CHST8: variants seen among roughly 807,000 people sequenced by gnomAD.
The protein encoded by CHST8 is GALNAC-4-ST1.
In CHST8, 10 loss-of-function variants were observed where a neutral mutation model predicts 15.0. The ratio of observed to expected loss-of-function variants is 0.67; its 90% CI spans 0.41 to 1.13. CHST8 has a LOEUF of 1.13. CHST8 is among the 50% of genes most tolerant of loss of function. The pLI, the probability that CHST8 is intolerant of heterozygous loss-of-function variation, is 0.00. For missense variants in CHST8, 634 were observed against 608.2 expected (o/e 1.04, Z -0.45); for synonymous variants, 259 against 256.6 (o/e 1.01, Z -0.09).
intron 3 of CHST8, among the ~76,000 whole-genome samples, chr19:33,740,964 A>C (rs1229603144): frequency 6.6e-6 from 1 of 152,208 alleles, no homozygotes; most frequent in African/African-American, 2.4e-5. Context: ...ACCTGGAGCT[A>C]AACCCTTAGA....
chr19:33,739,474 A>G (rs1974146003), intron 3 of CHST8, among the ~76,000 whole-genome samples: 1 of 152,234 alleles, frequency 6.6e-6, no homozygotes, highest in Non-Finnish European at 1.5e-5. Flanking sequence ...GCAGTTGTTC[A>G]TCCTAAATTA....
chr19:33,747,477 C>T (rs1204289242), intron 3 of CHST8, among the ~76,000 whole-genome samples: 1 of 152,178 alleles, frequency 6.6e-6, no homozygotes, highest in Non-Finnish European at 1.5e-5. Flanking sequence ...GGTGTAAATA[C>T]TCCCACTGCA....
Position 33,773,119 on chromosome 19 carries a change from G to T in CHST8, c.*56G>T. ...CCCCGGTCACTCACCTGTGCTCCCG[G>T]GCATCCTCCTGTCCCTGGCTCCTCA... On this transcript the variant is annotated 3_prime_UTR_variant, in exon 5 of 5. Coordinates refer to ENST00000650847, the MANE Select transcript of CHST8 (RefSeq NM_001127895.2). 3 of 1,514,412 alleles carry T rather than the reference G, an allele frequency of 2.0e-6. No individual in the cohort carries two copies. The highest frequency in any genetic ancestry group is 2.6e-6 in the Non-Finnish European group (3 of 1,133,872). The allele number at this position is 1,514,412 out of a possible 1,614,324, so 93.8% of individuals were successfully genotyped here. A position where few individuals can be genotyped will look rare whatever the true frequency, so the allele number is the denominator to read the frequency against.
At chr19:33,641,361 GGGGTGA>G (rs1471160910) in intron 1 of CHST8, among the ~76,000 whole-genome samples, 1 of 152,154 alleles carries the variant, frequency 6.6e-6, no homozygotes, top group Non-Finnish European at 1.5e-5. Flanking sequence ...GTCAGGACTG[GGGGTGA>G]GGCACTGACC....
At chr19:33,759,629 C>T (rs148124278) in intron 3 of CHST8, among the ~76,000 whole-genome samples, 169 of 152,312 alleles carry the variant, frequency 1.1e-3, no homozygotes, top group South Asian at 2.3e-3. Context: ...ACCCCTGATC[C>T]CCTAATTCCC....
At chr19:33,727,066 G>A (rs564528858) in intron 3 of CHST8, among the ~76,000 whole-genome samples, 1 of 152,004 alleles carries the variant, frequency 6.6e-6, no homozygotes, top group South Asian at 2.1e-4. Flanking sequence ...GGCCCTTTCT[G>A]TGCCAAAGAT....
chr19:33,713,195 T>G (rs184950190), intron 3 of CHST8, among the ~76,000 whole-genome samples: 33 of 152,298 alleles, frequency 2.2e-4, no homozygotes, highest in Admixed American at 5.9e-4. Context: ...CCTAATGTGA[T>G]TCTGTGGGTG....
chr19:33,689,428 C>T (rs1973054859), intron 3 of CHST8, 37 bp downstream of exon 3: 1 of 1,519,766 alleles, frequency 6.6e-7, no homozygotes, highest in African/African-American at 1.4e-5. Context: ...TCACTGCCCC[C>T]AGCTTTCCAG....
intron 1 of CHST8, among the ~76,000 whole-genome samples, chr19:33,626,169 C>T (rs1446376934): frequency 6.6e-6 from 1 of 152,090 alleles, no homozygotes; most frequent in Non-Finnish European, 1.5e-5. Context: ...ACCCTGTGGT[C>T]AGTAAATCAG....
intron 3 of CHST8, among the ~76,000 whole-genome samples, chr19:33,694,600 G>A: frequency 6.6e-6 from 1 of 152,078 alleles, no homozygotes; most frequent in Non-Finnish European, 1.5e-5. Context: ...ACTTTTTTGA[G>A]ACAGAGTCTC....
At chr19:33,680,561 G>A (rs796664278) in intron 2 of CHST8, among the ~76,000 whole-genome samples, 7 of 152,280 alleles carry the variant, frequency 4.6e-5, no homozygotes, top group Admixed American at 2.0e-4. Flanking sequence ...TAATCACCAC[G>A]TATCCACAGG....
At chr19:33,683,431 G>A (rs542202898) in intron 2 of CHST8, among the ~76,000 whole-genome samples, 2 of 152,318 alleles carry the variant, frequency 1.3e-5, no homozygotes, top group Admixed American at 1.3e-4. Flanking sequence ...CTGGTGGCGA[G>A]CGGGCCTCGG....
At chr19:33,742,830 A>G (rs1212890636) in intron 3 of CHST8, among the ~76,000 whole-genome samples, 2 of 151,928 alleles carry the variant, frequency 1.3e-5, no homozygotes, top group Non-Finnish European at 2.9e-5. Flanking sequence ...CAACATTGCT[A>G]CTCAGTAGGA....
chr19:33,720,449 A>C (rs1973766175), intron 3 of CHST8, among the ~76,000 whole-genome samples: 1 of 151,278 alleles, frequency 6.6e-6, no homozygotes, highest in South Asian at 2.1e-4. Context: ...TACCACACAT[A>C]CCCACACTGC....
intron 3 of CHST8, among the ~76,000 whole-genome samples, chr19:33,739,627 C>A (rs1974149596): frequency 6.6e-6 from 1 of 152,198 alleles, no homozygotes; most frequent in Non-Finnish European, 1.5e-5. Flanking sequence ...GGATGAGTGA[C>A]TGGATCTGCT....
chr19:33,709,985 A>C (rs1973517436), intron 3 of CHST8, among the ~76,000 whole-genome samples: 1 of 152,146 alleles, frequency 6.6e-6, no homozygotes, highest in Non-Finnish European at 1.5e-5. Context: ...CAGACTTTAA[A>C]ATTTTAAATT....
At chr19:33,624,138 C>T (rs1030717283) in intron 1 of CHST8, among the ~76,000 whole-genome samples, 2 of 152,126 alleles carry the variant, frequency 1.3e-5, no homozygotes, top group Admixed American at 6.6e-5. Flanking sequence ...TTATGTTTCC[C>T]GGGTATTGAT....
chr19:33,705,439 G>C (rs1973427946), intron 3 of CHST8, among the ~76,000 whole-genome samples: 1 of 152,168 alleles, frequency 6.6e-6, no homozygotes, highest in Admixed American at 6.5e-5. Context: ...CCAGAGAGTG[G>C]GGTTCTGGGG....
At chr19:33,697,931 C>T (rs1044019419) in intron 3 of CHST8, among the ~76,000 whole-genome samples, 1 of 152,184 alleles carries the variant, frequency 6.6e-6, no homozygotes, top group South Asian at 2.1e-4. Context: ...CCAGCCTTGG[C>T]CTCTGGCAAC....
Sources: gnomAD v4.1 joint callset for allele counts (sites outside exome capture counted in the v4.1 genomes callset) on GRCh38, gnomAD v4.1.1 for gene constraint, MANE v1.5 for transcripts, NCBI Gene and HGNC (gene_info 2026-07-23, HGNC 2026-07-21) for gene names.